The following LRRC9 variants were observed in gnomAD, a reference collection of about 807,000 sequenced individuals.
LRRC9 encodes the protein leucine-rich repeat-containing protein 9.
A neutral mutation model predicts 63.2 loss-of-function variants in LRRC9; 122 were observed. That is an observed-to-expected ratio of 1.93 (90% CI 1.67 to 2.24). LRRC9 has a LOEUF of 2.24. Ranked by LOEUF, LRRC9 falls within the 30% of genes most tolerant of loss-of-function variation. The pLI, the probability that LRRC9 is intolerant of heterozygous loss-of-function variation, is 0.00. For missense variants in LRRC9, 1,071 were observed against 627.7 expected, an observed-to-expected ratio of 1.71 and a Z score of -7.55; for synonymous variants, 366 against 213.1, an observed-to-expected ratio of 1.72 and a Z score of -6.25.
At chr14:60,020,577 T>G (rs1468536527) in intron 26 of LRRC9, among the ~76,000 whole-genome samples, 1 of 151,934 alleles carries the variant, frequency 6.6e-6, no homozygotes, top group Non-Finnish European at 1.5e-5. Flanking sequence ...GCAATACAAT[T>G]TTATAACATT....
chr14:59,999,254 G>A, intron 19 of LRRC9, 28 bp downstream of exon 19: 2 of 692,794 alleles, frequency 2.9e-6, no homozygotes, highest in Non-Finnish European at 5.3e-6. Context: ...ACTATTCATT[G>A]TGCTATTTAG....
In LRRC9 at chr14:59,931,550, A is replaced by C. The variant is rs923711834; in HGVS notation, c.409-69A>C. The C allele has an allele frequency of 7.5e-6, 5 of 666,832 alleles. No homozygotes were observed. The African/African-American group carries it at 9.0e-5, about 12-fold the overall frequency. 41.3% of individuals were successfully genotyped at this position (666,832 alleles called of 1,614,324 possible). On this transcript the variant is annotated intron_variant, in intron 4 of 31. Transcript: ENST00000445360. ...GAGCACCTGCAGAACTAACCAGATT[A>C]ATCAGAGATGATTTGTAAATGTTAA...
At chr14:59,972,737 C>T (rs1458444696) in intron 12 of LRRC9, among the ~76,000 whole-genome samples, 1 of 152,048 alleles carries the variant, frequency 6.6e-6, no homozygotes, top group Non-Finnish European at 1.5e-5. Context: ...CTACAACTGG[C>T]ATAAACAAGC....
intron 8 of LRRC9, among the ~76,000 whole-genome samples, chr14:59,957,181 A>G (rs535112689): frequency 2.1e-4 from 32 of 152,230 alleles, no homozygotes; most frequent in African/African-American, 6.7e-4. Flanking sequence ...CTGTCTTGCT[A>G]GGGTGAGGAA....
intron 1 of LRRC9, among the ~76,000 whole-genome samples, chr14:59,921,662 G>A (rs1888785645): frequency 1.3e-5 from 2 of 151,334 alleles, no homozygotes; most frequent in Non-Finnish European, 1.5e-5. Context: ...TGAACACACT[G>A]AATTTGAGAT....
chr14:60,010,856 G>A (rs1177539350), intron 23 of LRRC9, among the ~76,000 whole-genome samples: 1 of 152,122 alleles, frequency 6.6e-6, no homozygotes, highest in Non-Finnish European at 1.5e-5. Flanking sequence ...CTCCATCTGA[G>A]ACCACCTCAG....
chr14:59,952,380 C>T (rs1388894363), intron 8 of LRRC9, among the ~76,000 whole-genome samples: 1 of 152,208 alleles, frequency 6.6e-6, no homozygotes, highest in South Asian at 2.1e-4. Context: ...CGCGCACCCA[C>T]TGGCCTGCGC....
rs1310491487 is a variant in LRRC9 at position 60,051,304 on chromosome 14, C to A, written c.3991-1761C>A. Among the ~76,000 whole-genome samples the A allele has an allele frequency of 1.3e-5, 2 of 152,140 alleles. No homozygotes were observed. Among genetic ancestry groups the A allele is most frequent in the Non-Finnish European group, 2.9e-5 (2 of 68,012 alleles). On this transcript the variant is annotated intron_variant, in intron 29 of 31. Transcript: ENST00000445360. This position sits in a 1 kb window ranked among gnomAD's most constrained non-coding sequence, Gnocchi z 4.7. Reference sequence around the variant, plus strand: ...TGACTCCAGGCCCCCCACAAGGGGGCCCCGCCCAGTGAGGAAGAATGGATC... The same window carrying A: ...TGACTCCAGGCCCCCCACAAGGGGGACCCGCCCAGTGAGGAAGAATGGATC...
intron 8 of LRRC9, among the ~76,000 whole-genome samples, chr14:59,956,207 T>TTGTTGATC (rs1883733224): frequency 6.6e-6 from 1 of 152,178 alleles, no homozygotes; most frequent in African/African-American, 2.4e-5. Flanking sequence ...ACTTCCTGTC[T>TTGTTGATC]TGTTGATCTG....
chr14:60,061,216 TATCAA>T (rs1894636863), intron 31 of LRRC9, among the ~76,000 whole-genome samples: 2 of 152,206 alleles, frequency 1.3e-5, no homozygotes, highest in African/African-American at 4.8e-5. Context: ...GGGAAAGTGC[TATCAA>T]ACATCATGTT....
chr14:59,923,857 C>A lies in LRRC9; in HGVS notation c.-34+3974C>A, dbSNP rs1888980571. Among the ~76,000 whole-genome samples the A allele has an allele frequency of 6.6e-6, 1 of 152,190 alleles. No homozygotes were observed. The highest frequency in any genetic ancestry group is 2.1e-4 in the South Asian group (1 of 4,820). On this transcript the variant is annotated intron_variant, in intron 1 of 31. Coordinates refer to ENST00000445360, the Ensembl canonical transcript of LRRC9. This position sits in a 1 kb window ranked among gnomAD's most constrained non-coding sequence, Gnocchi z 4.2. ...TCCGAAGGCTGAGGCAGGAGTATGG[C>A]GTGAACCCGGGAGGTGGAGCTTGCA...
chr14:59,969,453 T>A (rs983041000), intron 12 of LRRC9: 2 of 152,236 alleles, frequency 1.3e-5, no homozygotes, highest in Admixed American at 6.5e-5. Flanking sequence ...TCAGATGAGC[T>A]ACATTTCTGT....
At chr14:59,924,621 C>A (rs1036060040) in intron 1 of LRRC9, among the ~76,000 whole-genome samples, 1 of 152,182 alleles carries the variant, frequency 6.6e-6, no homozygotes, top group Admixed American at 6.5e-5. Context: ...CCAAACCCTA[C>A]AATCTATTTT....
chr14:59,966,570 T>A lies in LRRC9; in HGVS notation c.1212-19T>A, dbSNP rs763410432. On this transcript the variant is annotated intron_variant, in intron 10 of 31. Transcript: ENST00000445360. The surrounding 1 kb of genome is among the most constrained non-coding windows in gnomAD (Gnocchi z 4.0). ...TCTATTATTTTCTTCATGTATATTCTGTATGTATTCCCACATAGGTTTAAT... is the reference window on the plus strand; with the variant it reads ...TCTATTATTTTCTTCATGTATATTCAGTATGTATTCCCACATAGGTTTAAT... 14 of 625,482 alleles carry A rather than the reference T, an allele frequency of 2.2e-5. 1 individual carries two copies. In the South Asian group the frequency reaches 2.6e-4, roughly 11 times the overall value. The allele number at this position is 625,482 out of a possible 1,614,324, so 38.7% of individuals were successfully genotyped here.
At chr14:59,995,102 T>G (rs546265456) in intron 17 of LRRC9, among the ~76,000 whole-genome samples, 1 of 152,222 alleles carries the variant, frequency 6.6e-6, no homozygotes, top group South Asian at 2.1e-4. Flanking sequence ...GCTTTCTTTA[T>G]GCAGTGGAAG....
chr14:59,925,647 A>G (rs898097815), intron 1 of LRRC9, among the ~76,000 whole-genome samples: 1 of 152,214 alleles, frequency 6.6e-6, no homozygotes, highest in African/African-American at 2.4e-5. Context: ...GAGTACAAAT[A>G]CAGACTGTGT....
At chr14:59,968,958 A>C (rs1464207049) in intron 12 of LRRC9, among the ~76,000 whole-genome samples, 1 of 131,436 alleles carries the variant, frequency 7.6e-6, no homozygotes, top group Non-Finnish European at 1.7e-5. Flanking sequence ...ACCAGTTTTT[A>C]AAGACTGAGT....
At chr14:59,977,115 TC>T (rs1886376729) in intron 13 of LRRC9, 109 bp from the exon 14 acceptor site, 1 of 576,534 alleles carries the variant, frequency 1.7e-6, no homozygotes, top group South Asian at 2.3e-5. Flanking sequence ...AGCCAGCATC[TC>T]TGCCTTTACA....
At chr14:60,006,558 G>A in exon 22 of LRRC9, 1 of 701,544 alleles carries the variant, frequency 1.4e-6, no homozygotes, top group Non-Finnish European at 2.6e-6. Context: ...TTTTACTCTT[G>A]TTGAGTTATA....
Sources: gnomAD v4.1 joint callset for allele counts (sites outside exome capture counted in the v4.1 genomes callset) on GRCh38, gnomAD v4.1.1 for gene constraint, Gnocchi (gnomAD v3.1) non-coding constraint, MANE v1.5 for transcripts, NCBI Gene and HGNC (gene_info 2026-07-23, HGNC 2026-07-21) for gene names.